The following SACS variants were observed in gnomAD, a reference collection of about 807,000 sequenced individuals.
The protein encoded by SACS is sacsin molecular chaperone.
SACS carries 197 observed loss-of-function variants against 348.0 expected under a neutral mutation model. The observed-to-expected ratio is 0.57, with a 90% CI of 0.50 to 0.64. The LOEUF is 0.64. SACS is among the 30% of genes least tolerant of loss of function. The pLI is 0.00. For missense variants in SACS, 4,999 were observed against 5,360.8 expected, an observed-to-expected ratio of 0.93 and a Z score of 2.11; for synonymous variants, 1,985 against 1,910.6, an observed-to-expected ratio of 1.04 and a Z score of -1.02.
At chr13:23,406,510 C>T (rs1243515836) in intron 2 of SACS, among the ~76,000 whole-genome samples, 2 of 143,228 alleles carry the variant, frequency 1.4e-5, no homozygotes, top group Non-Finnish European at 3.1e-5. Flanking sequence ...CACATGTATC[C>T]CAAAACTTAA....
chr13:23,392,727 T>C (rs1351464558), intron 2 of SACS, among the ~76,000 whole-genome samples: 1 of 152,200 alleles, frequency 6.6e-6, no homozygotes, highest in African/African-American at 2.4e-5. Flanking sequence ...CACAATTTGT[T>C]TTCTCCTAAA....
intron 1 of SACS, among the ~76,000 whole-genome samples, chr13:23,412,130 G>C (rs1466500668): frequency 6.6e-6 from 1 of 152,078 alleles, no homozygotes. Context: ...GTGGTGGCGG[G>C]CGCCTGTAGT....
intron 6 of SACS, 29 bp downstream of exon 6, chr13:23,365,136 TA>T (rs753632117): frequency 6.9e-7 from 1 of 1,440,684 alleles, no homozygotes; most frequent in South Asian, 1.2e-5. Flanking sequence ...GTGCATACAA[TA>T]AAATTTGTTC....
intron 2 of SACS, among the ~76,000 whole-genome samples, chr13:23,396,796 T>C (rs1872728325): frequency 1.3e-5 from 2 of 152,214 alleles, no homozygotes; most frequent in South Asian, 4.1e-4. Context: ...TGGCTAGCTT[T>C]GTATAATGTT....
In SACS at chr13:23,338,572, G is replaced by C; in HGVS notation, c.5304C>G (p.His1768Gln). 1 of 1,614,066 alleles carries C rather than the reference G, an allele frequency of 6.2e-7. No homozygotes were observed. The highest frequency in any genetic ancestry group is 8.5e-7 in the Non-Finnish European group (1 of 1,179,974). ...AATCAGCAATCCTTCTGAACACATG[G>C]TGAAATTCTTCCACTGTGATCTGAA... ...CILQITVEEF[H>Q]HVFRRIADLQ... The change falls in exon 10 of 10, where the codon CAC (histidine) becomes CAG (glutamine). Residue 1768 changes from histidine to glutamine, a missense_variant. By Grantham distance (24) the His-to-Gln change is conservative. Around this residue, in one of 6 missense-constraint regions of SACS, gnomAD observed 3,156 missense variants for 3,380.1 expected, o/e 0.93. Coordinates refer to ENST00000382292, the MANE Select transcript of SACS (RefSeq NM_014363.6).
Position 23,338,995 on chromosome 13 carries a change from ACAGC to A in SACS, c.4877_4880del (p.Gly1626ValfsTer5), listed in dbSNP as rs757872635. 3.1e-6 allele frequency: 5 copies of A among 1,613,920 alleles called. No individual in the cohort carries two copies. Among genetic ancestry groups the A allele is most frequent in the Non-Finnish European group, 4.2e-6 (5 of 1,179,938 alleles). ...GTGCTTCTACAGTCAAAGGTAACTG[ACAGC>A]CAAATACATCTATAAATGGTTTGAA... is the stretch of plus-strand genomic sequence containing the variant. On this transcript the variant is annotated frameshift_variant, in exon 10 of 10. Transcript: ENST00000382292. LOFTEE classifies it high-confidence loss of function.
intron 2 of SACS, among the ~76,000 whole-genome samples, chr13:23,389,064 A>G (rs1053700879): frequency 3.3e-5 from 5 of 152,164 alleles, no homozygotes; most frequent in Non-Finnish European, 5.9e-5. Flanking sequence ...ATATTTATTA[A>G]TAAGATTTTA....
chr13:23,330,309 C>T lies in SACS; in HGVS notation c.13567G>A (p.Val4523Ile). 1.9e-6 allele frequency: 3 copies of T among 1,614,176 alleles called. No individual in the cohort carries two copies. The highest frequency in any genetic ancestry group is 2.2e-5 in the South Asian group (2 of 91,084). ...ACACCATAAGCTTCCAATGTGTGAACATCATTTGTCAGTCCTTCAAGTTGC... is the reference window on the plus strand; with the variant it reads ...ACACCATAAGCTTCCAATGTGTGAATATCATTTGTCAGTCCTTCAAGTTGC... ...SQQLEGLTND[V>I]HTLEAYGVDS... The change falls in exon 10 of 10, where the codon GTT becomes ATT. Residue 4523 changes from valine (V) to isoleucine (I), a missense_variant. Physicochemically the swap from Val to Ile is conservative, Grantham distance 29. Coordinates refer to ENST00000382292, the MANE Select transcript of SACS (RefSeq NM_014363.6).
Position 23,371,120 on chromosome 13 carries a change from G to T in SACS, c.217C>A (p.His73Asn). ...TTTGATTGAAGGTTTACAAAAAGATGACAATTTTTGGAAGTCAGATCTCCA... is the reference window on the plus strand; with the variant it reads ...TTTGATTGAAGGTTTACAAAAAGATTACAATTTTTGGAAGTCAGATCTCCA... Reference protein sequence around the residue: ...KIGDLTSKNCHLFVNLQSKGL... With the variant: ...KIGDLTSKNCNLFVNLQSKGL... Residue 73 changes from histidine to asparagine, a missense_variant, in exon 4 of 10, where the codon CAT (histidine) becomes AAT (asparagine). Physicochemically the swap from His to Asn is moderately conservative, Grantham distance 68. Transcript: ENST00000382292. 1 of 1,611,576 alleles carries T rather than the reference G, an allele frequency of 6.2e-7. No individual in the cohort carries two copies. Among genetic ancestry groups the T allele is most frequent in the Non-Finnish European group, 8.5e-7 (1 of 1,178,198 alleles).
Position 23,338,246 on chromosome 13 carries a change from CGTAAAG to C in SACS, c.5624_5629del (p.Pro1875_Leu1876del). 6.2e-7 allele frequency: 1 copy of C among 1,614,006 alleles called. No individual in the cohort carries two copies. The highest frequency in any genetic ancestry group is 8.5e-7 in the Non-Finnish European group (1 of 1,179,992). ...ATGAACTGGCAAGCCTGTTTTTATT[CGTAAAG>C]GTAAATAGCAAAACACCTCTCCAAT... On this transcript the variant is annotated inframe_deletion, in exon 10 of 10. Coordinates refer to ENST00000382292, the MANE Select transcript of SACS (RefSeq NM_014363.6).
chr13:23,399,018 T>TAAAAAAAAAAA (rs1412543149), intron 2 of SACS, among the ~76,000 whole-genome samples: 1 of 18,954 alleles, frequency 5.3e-5, no homozygotes, highest in Non-Finnish European at 1.8e-4. Context: ...AGACTCCATC[T>TAAAAAAAAAAA]CAAAAAAAAA....
Position 23,353,842 on chromosome 13 carries a change from A to G in SACS, c.2128T>C (p.Leu710=), listed in dbSNP as rs1336831611. The G allele has an allele frequency of 1.9e-6, 3 of 1,610,910 alleles. No homozygotes were observed. The highest frequency in any genetic ancestry group is 1.3e-5 in the African/African-American group (1 of 74,856). ...ACAAGGTGAGGTTTCAAGTTATCCA[A>G]AATAAATCTTCCTTCAAGACTTGGG... The part of the protein sequence containing the change: ...LFPSLEGRFI[L]DNLKPHLVAA... The change falls in exon 9 of 10, where the codon TTG becomes CTG. Residue 710 remains leucine, a synonymous_variant. Transcript: ENST00000382292.
At position 23,337,054 on chromosome 13, in the gene SACS, C is replaced by A. The variant is rs1868682125; in HGVS notation, c.6822G>T (p.Val2274=). 6 of 1,613,946 alleles carry A rather than the reference C, an allele frequency of 3.7e-6. No individual in the cohort carries two copies. The highest frequency in any genetic ancestry group is 5.1e-6 in the Non-Finnish European group (6 of 1,179,900). Residue 2274 remains valine, a synonymous_variant, in exon 10 of 10, where the codon GTG becomes GTT. Transcript: ENST00000382292. ...CCAAAAACTCTTTAACAGCCAATGA[C>A]ACTGAACCACAACCTCTAAAAGAAT... The part of the protein sequence containing the change: ...NSHSFRGCGS[V]SLAVKEFLGL...
chr13:23,340,098 G>C lies in SACS; in HGVS notation c.3778C>G (p.His1260Asp), dbSNP rs144713081. 5 of 1,613,872 alleles carry C rather than the reference G, an allele frequency of 3.1e-6. No homozygotes were observed. In the African/African-American group the frequency reaches 6.7e-5, roughly 22 times the overall value. ...TCTTTCCCTTCATTTAGATGATCATGCATGAATCCGTAAATCTCAAGCAAA... is the reference window on the plus strand; with the variant it reads ...TCTTTCCCTTCATTTAGATGATCATCCATGAATCCGTAAATCTCAAGCAAA... ...HILLEIYGFM[H>D]DHLNEGKDSF... Residue 1260 changes from histidine (H) to aspartate (D), a missense_variant, in exon 10 of 10, where the codon CAT becomes GAT. Physicochemically the swap from His to Asp is moderately conservative, Grantham distance 81. Transcript: ENST00000382292.
Position 23,339,488 on chromosome 13 carries a change from C to A in SACS, c.4388G>T (p.Arg1463Ile), listed in dbSNP as rs1208745761. 2 of 1,608,692 alleles carry A rather than the reference C, an allele frequency of 1.2e-6. No individual in the cohort carries two copies. Among genetic ancestry groups the A allele is most frequent in the Non-Finnish European group, 1.7e-6 (2 of 1,177,052 alleles). ...QSGQREPLTV[R>I]IKNILEEYPS... is the part of the protein sequence containing the mutation. ...GTATTCTTCCAGAATATTTTTAATT[C>A]TTACAGTAAGTGGCTCTCTTTGTCC... The change falls in exon 10 of 10, where the codon AGA becomes ATA. Residue 1463 changes from arginine (R) to isoleucine (I), a missense_variant. This residue lies in a region of SACS where 3,156 missense variants were observed against 3,380.1 expected (regional missense o/e 0.93). Transcript: ENST00000382292.
chr13:23,401,370 T>C (rs767147329), intron 2 of SACS, among the ~76,000 whole-genome samples: 74 of 152,346 alleles, frequency 4.9e-4, no homozygotes, highest in Non-Finnish European at 9.4e-4. Flanking sequence ...ATCTGTGACC[T>C]GGAAGCTCCC....
chr13:23,420,004 C>G (rs1025140507), intron 1 of SACS, among the ~76,000 whole-genome samples: 3 of 149,814 alleles, frequency 2.0e-5, no homozygotes, highest in Non-Finnish European at 4.5e-5. Flanking sequence ...CTGATGTTCC[C>G]CAGGGACCTA....
At position 23,334,892 on chromosome 13, in the gene SACS, A is replaced by G; in HGVS notation, c.8984T>C (p.Val2995Ala). 1.2e-6 allele frequency: 2 copies of G among 1,613,892 alleles called. No homozygotes were observed. Among genetic ancestry groups the G allele is most frequent in the Non-Finnish European group, 1.7e-6 (2 of 1,179,844 alleles). ...GCCATCAATATTTGGAGCCCGCACA[A>G]CAGGTAAAAGACGTTTCATGTCTTC... ...IHEDMKRLLP[V>A]VRAPNIDGSD... The change falls in exon 10 of 10, where the codon GTT (valine) becomes GCT (alanine). Residue 2995 changes from valine to alanine, a missense_variant. By Grantham distance (64) the Val-to-Ala change is moderately conservative (BLOSUM62 0). Transcript: ENST00000382292.
intron 5 of SACS, among the ~76,000 whole-genome samples, chr13:23,367,223 T>G (rs527387702): frequency 1.0e-3 from 153 of 152,290 alleles, no homozygotes; most frequent in African/African-American, 3.5e-3. Context: ...ACAAAAACTG[T>G]TTTTGAATTC....
Sources: gnomAD v4.1 joint callset for allele counts (sites outside exome capture counted in the v4.1 genomes callset) on GRCh38, gnomAD v4.1.1 for gene constraint, gnomAD v4.1.1 regional missense constraint, MANE v1.5 for transcripts, NCBI Gene and HGNC (gene_info 2026-07-23, HGNC 2026-07-21) for gene names.